The following RNF111 variants were observed in gnomAD, a reference collection of about 807,000 sequenced individuals.
The protein encoded by RNF111 is E3 ubiquitin-protein ligase Arkadia.
RNF111 carries 17 observed loss-of-function variants against 95.1 expected under a neutral mutation model. The observed-to-expected ratio is 0.18, with a 90% CI of 0.12 to 0.27. The LOEUF is 0.27. Among genes scored for constraint, RNF111 ranks in the 10% least tolerant of loss-of-function variants. RNF111 has a pLI of 1.00. For synonymous variants in RNF111, 440 were observed against 414.8 expected (o/e 1.06, Z -0.74); for missense variants, 1,189 against 1,210.4 (o/e 0.98, Z 0.26).
intron 2 of RNF111, among the ~76,000 whole-genome samples, chr15:59,043,769 G>A (rs978925830): frequency 6.6e-6 from 1 of 152,134 alleles, no homozygotes; most frequent in Non-Finnish European, 1.5e-5. Context: ...TGTAAAAGAC[G>A]AGAGCAGTGG....
At chr15:59,066,185 G>A (rs185237991) in intron 5 of RNF111, among the ~76,000 whole-genome samples, 3 of 152,296 alleles carry the variant, frequency 2.0e-5, no homozygotes, top group East Asian at 3.9e-4. Flanking sequence ...CATTTACTGT[G>A]CCATAGGAAA....
In RNF111 at chr15:59,031,259, A is replaced by C. The variant is rs1428679336; in HGVS notation, c.437A>C (p.His146Pro). The change falls in exon 2 of 14, where the codon CAT (histidine) becomes CCT (proline). Residue 146 changes from histidine to proline, a missense_variant. Transcript: ENST00000348370. ...DCLSSPSSSL[H>P]FGDSDTVTSD... ...CTTTCTTCTCCTTCATCTAGTCTGCATTTTGGAGATTCTGATACTGTGACT... is the reference window on the plus strand; with the variant it reads ...CTTTCTTCTCCTTCATCTAGTCTGCCTTTTGGAGATTCTGATACTGTGACT... 1 of 1,614,136 alleles carries C rather than the reference A, an allele frequency of 6.2e-7. No homozygotes were observed. The highest frequency in any genetic ancestry group is 8.5e-7 in the Non-Finnish European group (1 of 1,180,008).
intron 13 of RNF111, chr15:59,093,337 CTTTTTTTTTTTT>C (rs1236130195): frequency 5.1e-5 from 14 of 272,908 alleles, no homozygotes; most frequent in South Asian, 2.1e-4. Context: ...TTTACAGCAT[CTTTTTTTTTTTT>C]TTTTTTTTTT....
At chr15:59,073,193 G>A (rs2043016214) in intron 6 of RNF111, among the ~76,000 whole-genome samples, 1 of 152,088 alleles carries the variant, frequency 6.6e-6, no homozygotes. Context: ...AAAAGAGCCT[G>A]GGTGCAGTGG....
intron 2 of RNF111, among the ~76,000 whole-genome samples, chr15:59,049,244 A>C (rs1006586928): frequency 1.3e-5 from 2 of 151,562 alleles, no homozygotes; most frequent in Non-Finnish European, 2.9e-5. Context: ...AAATTTGACT[A>C]CTTTAGATAC....
At chr15:59,035,751 C>G (rs1367385117) in intron 2 of RNF111, among the ~76,000 whole-genome samples, 1 of 152,170 alleles carries the variant, frequency 6.6e-6, no homozygotes, top group Non-Finnish European at 1.5e-5. Context: ...AAGAGTGGCC[C>G]ATTTACTCCA....
intron 2 of RNF111, among the ~76,000 whole-genome samples, chr15:59,035,721 T>C (rs903220841): frequency 1.3e-5 from 2 of 152,228 alleles, no homozygotes; most frequent in South Asian, 4.1e-4. Context: ...GGCAAAATGC[T>C]GCCAGTCTCT....
Position 59,095,501 on chromosome 15 carries a change from C to T in RNF111, c.*601C>T, listed in dbSNP as rs2079162614. ...AATCAGATGCAGGTGGTAGTCACATCACCAGAGTGATCAGTATAAATTTTC... is the reference window on the plus strand; with the variant it reads ...AATCAGATGCAGGTGGTAGTCACATTACCAGAGTGATCAGTATAAATTTTC... On this transcript the variant is annotated 3_prime_UTR_variant, in exon 14 of 14. Transcript: ENST00000348370. 2 of 153,236 alleles carry T rather than the reference C, an allele frequency of 1.3e-5. No homozygotes were observed. The highest frequency in any genetic ancestry group is 4.8e-5 in the African/African-American group (2 of 41,472). 9.5% of individuals were successfully genotyped at this position (153,236 alleles called of 1,614,324 possible).
intron 7 of RNF111, among the ~76,000 whole-genome samples, chr15:59,080,328 C>T (rs1338234773): frequency 8.6e-5 from 13 of 152,038 alleles, no homozygotes; most frequent in African/African-American, 2.9e-4. Flanking sequence ...GCCATGTTGG[C>T]CAGGCTGGTC....
At position 58,996,112 on chromosome 15, in the gene RNF111, T is replaced by C. The variant is rs370460647; in HGVS notation, c.-20+8044T>C. Among the ~76,000 whole-genome samples the C allele has an allele frequency of 1.3e-4, 20 of 152,268 alleles. 1 individual carries two copies. In the East Asian group the frequency reaches 3.5e-3, roughly 26 times the overall value. ...TCTTTTTCAAATACATAATGAGTTA[T>C]GTTCTTAATTGTGATCATATGAAAT... On this transcript the variant is annotated intron_variant, in intron 1 of 13. Coordinates refer to ENST00000348370, the MANE Select transcript of RNF111 (RefSeq NM_017610.8).
chr15:59,081,718 C>T (rs1242711413), intron 8 of RNF111, among the ~76,000 whole-genome samples: 1 of 151,938 alleles, frequency 6.6e-6, no homozygotes, highest in African/African-American at 2.4e-5. Context: ...ACCCTGTGTC[C>T]TTTAACAACA....
At chr15:59,027,282 A>G (rs1479212258) in intron 1 of RNF111, among the ~76,000 whole-genome samples, 8 of 152,108 alleles carry the variant, frequency 5.3e-5, no homozygotes, top group African/African-American at 1.9e-4. Flanking sequence ...TTCTGGAAGA[A>G]CCCCAGCTGT....
intron 1 of RNF111, among the ~76,000 whole-genome samples, chr15:59,005,052 G>A (rs540050826): frequency 3.3e-5 from 5 of 152,172 alleles, no homozygotes; most frequent in Non-Finnish European, 5.9e-5. Flanking sequence ...TTCTTGTCAA[G>A]TTCACTTTAT....
Position 59,052,355 on chromosome 15 carries a change from G to C in RNF111, c.931G>C (p.Val311Leu). The change falls in exon 3 of 14, where the codon GTT (valine) becomes CTT (leucine). Residue 311 changes from valine (V) to leucine (L), a missense_variant. Val to Leu is a conservative substitution (Grantham distance 32). Around this residue, in one of 2 missense-constraint regions of RNF111, gnomAD observed 1,024 missense variants for 925.9 expected, o/e 1.11. Coordinates refer to ENST00000348370, the MANE Select transcript of RNF111 (RefSeq NM_017610.8). The stretch of plus-strand genomic sequence containing the variant: ...GATAGAAGCTTCCTCCACTCCCCAG[G>C]TTACTGCCAATGAAGAAATTAATGT... ...VVIEASSTPQ[V>L]TANEEINVTS... 1.2e-6 allele frequency: 2 copies of C among 1,606,924 alleles called. No homozygotes were observed. Among genetic ancestry groups the C allele is most frequent in the East Asian group, 2.2e-5 (1 of 44,518 alleles).
chr15:58,994,400 G>C (rs1010473789), intron 1 of RNF111, among the ~76,000 whole-genome samples: 3 of 150,588 alleles, frequency 2.0e-5, no homozygotes, highest in Non-Finnish European at 4.4e-5. Context: ...ATAGTACTGA[G>C]AACTCTTGAA....
rs1213989153 is a variant in RNF111 at position 59,058,485 on chromosome 15, C to G, written c.1301C>G (p.Pro434Arg). The change falls in exon 5 of 14, where the codon CCT (proline) becomes CGT (arginine). Residue 434 changes from proline (P) to arginine (R), a missense_variant. By Grantham distance (103) the Pro-to-Arg change is moderately radical. Transcript: ENST00000348370. ...GCTTCAGCTGTCACCAGTAGCCAACCTTCCACAGTGTCAGAGACTTCAGCT... is the reference window on the plus strand; with the variant it reads ...GCTTCAGCTGTCACCAGTAGCCAACGTTCCACAGTGTCAGAGACTTCAGCT... ...DTASAVTSSQ[P>R]STVSETSATL... 4 of 1,613,982 alleles carry G rather than the reference C, an allele frequency of 2.5e-6. No individual in the cohort carries two copies. Among genetic ancestry groups the G allele is most frequent in the Non-Finnish European group, 2.5e-6 (3 of 1,179,996 alleles).
intron 7 of RNF111, among the ~76,000 whole-genome samples, chr15:59,080,411 G>A (rs1204729221): frequency 1.3e-5 from 2 of 152,006 alleles, no homozygotes; most frequent in Middle Eastern, 3.4e-3. Context: ...TGTGAGCCAC[G>A]GTGCCTGGCC....
chr15:59,058,376 A>T lies in RNF111; in HGVS notation c.1192A>T (p.Thr398Ser). 6.2e-7 allele frequency: 1 copy of T among 1,614,098 alleles called. No homozygotes were observed. Among genetic ancestry groups the T allele is most frequent in the Non-Finnish European group, 8.5e-7 (1 of 1,179,954 alleles). ...TGTAGAACCTACTGTAGTACCAACC[A>T]CTTCTGCAAGAATGGAATCACAAGC... ...DEDEPTVVPT[T>S]SARMESQATS... The change falls in exon 5 of 14, where the codon ACT becomes TCT. Residue 398 changes from threonine (T) to serine (S), a missense_variant. Around this residue, in one of 2 missense-constraint regions of RNF111, gnomAD observed 1,024 missense variants for 925.9 expected, o/e 1.11. Transcript: ENST00000348370.
In RNF111 at chr15:59,066,842, C is replaced by A. The variant is rs769011436; in HGVS notation, c.1445C>A (p.Pro482His). ...ATGCCAAGGTTACCTTCCTGCTGTC[C>A]CCAGCACTCACCATGTGGAGGGTCG... Reference protein sequence around the residue: ...PAMPRLPSCCPQHSPCGGSSQ... With the variant: ...PAMPRLPSCCHQHSPCGGSSQ... Residue 482 changes from proline to histidine, a missense_variant, in exon 6 of 14, where the codon CCC becomes CAC. Pro to His is a moderately conservative substitution (Grantham distance 77). Transcript: ENST00000348370. The A allele has an allele frequency of 6.2e-7, 1 of 1,614,024 alleles. No homozygotes were observed. Among genetic ancestry groups the A allele is most frequent in the African/African-American group, 1.3e-5 (1 of 74,978 alleles).
Sources: allele counts gnomAD v4.1 joint callset (sites outside exome capture counted in the v4.1 genomes callset), GRCh38; gene constraint gnomAD v4.1.1; regional missense constraint gnomAD v4.1.1; transcripts MANE v1.5; gene names NCBI Gene and HGNC (gene_info 2026-07-23, HGNC 2026-07-21).